CTNNA3: variants seen among roughly 807,000 people sequenced by gnomAD.
The protein encoded by CTNNA3 is catenin alpha-3.
A neutral mutation model predicts 95.7 loss-of-function variants in CTNNA3; 76 were observed. That is an observed-to-expected ratio of 0.79 (90% CI 0.66 to 0.96). The LOEUF (loss-of-function observed/expected upper bound fraction) is 0.96. Among genes scored for constraint, CTNNA3 ranks in the 40% least tolerant of loss-of-function variants. The probability of loss-of-function intolerance (pLI) is 0.00; values close to 1 mark genes in which losing one functional copy is unlikely to be tolerated. For missense variants in CTNNA3, 1,191 were observed against 1,089.8 expected, an observed-to-expected ratio of 1.09 and a Z score of -1.31; for synonymous variants, 431 against 374.4, an observed-to-expected ratio of 1.15 and a Z score of -1.74.
At chr10:67,519,468 C>G (rs1839917967) in intron 5 of CTNNA3, among the ~76,000 whole-genome samples, 1 of 152,156 alleles carries the variant, frequency 6.6e-6, no homozygotes, top group African/African-American at 2.4e-5. Context: ...ATCCAGGAAA[C>G]CAAAGGCTTA....
rs547501850 is a variant in CTNNA3 at position 66,095,650 on chromosome 10, C to A, written c.1977+7507G>T. 2.0e-5 allele frequency among the ~76,000 whole-genome samples: 3 copies of A among 152,074 alleles called. No individual in the cohort carries two copies. The East Asian group carries it at 5.8e-4, about 30-fold the overall frequency. On this transcript the variant is annotated intron_variant, in intron 14 of 17. Coordinates refer to ENST00000433211, the MANE Select transcript of CTNNA3 (RefSeq NM_013266.4). Reference sequence around the variant, plus strand: ...GGATATTCAGGTAACTGCATGTAAACAAGCAAAAGTGAGGCAGTTTTTCCT... The same window carrying A: ...GGATATTCAGGTAACTGCATGTAAAAAAGCAAAAGTGAGGCAGTTTTTCCT...
chr10:67,132,221 T>C (rs879312834), intron 7 of CTNNA3, among the ~76,000 whole-genome samples: 5 of 152,054 alleles, frequency 3.3e-5, no homozygotes, highest in Non-Finnish European at 7.4e-5. Context: ...TTGCAAAGCA[T>C]TAAGTGAGAT....
rs2080738515 is a variant in CTNNA3, at chr10:66,080,992, A to G, written c.1978-11503T>C. Among the ~76,000 whole-genome samples the G allele has an allele frequency of 2.6e-5, 4 of 152,200 alleles. No individual in the cohort carries two copies. The South Asian group carries it at 8.3e-4, about 32-fold the overall frequency. ...AGATGTACATCACAAAGGGACAGAGAAAGAATTTACAATGGGAAGTTCTCT... is the reference window on the plus strand; with the variant it reads ...AGATGTACATCACAAAGGGACAGAGGAAGAATTTACAATGGGAAGTTCTCT... On this transcript the variant is annotated intron_variant, in intron 14 of 17. Coordinates refer to ENST00000433211, the MANE Select transcript of CTNNA3 (RefSeq NM_013266.4).
intron 13 of CTNNA3, among the ~76,000 whole-genome samples, chr10:66,193,865 C>T (rs16922588): frequency 0.14 from 21,907 of 152,050 alleles, 2,646 homozygotes; most frequent in African/African-American, 0.33. Flanking sequence ...ATAAGAATTA[C>T]GGGCACAGAA....
intron 5 of CTNNA3, among the ~76,000 whole-genome samples, chr10:67,516,108 G>T (rs1839802351): frequency 6.6e-6 from 1 of 152,076 alleles, no homozygotes; most frequent in Non-Finnish European, 1.5e-5. Context: ...GATTACAGTT[G>T]CCTGCCACCA....
chr10:67,215,693 A>G (rs1345146652), intron 6 of CTNNA3, among the ~76,000 whole-genome samples: 1 of 152,176 alleles, frequency 6.6e-6, no homozygotes, highest in East Asian at 1.9e-4. Context: ...AAGTTCTCCC[A>G]ACATCTCCTG....
chr10:67,705,847 C>A (rs1424473435), intron 1 of CTNNA3, among the ~76,000 whole-genome samples: 1 of 151,644 alleles, frequency 6.6e-6, no homozygotes, highest in African/African-American at 2.4e-5. Context: ...CCTCTCCTAG[C>A]GTAACCGACA....
chr10:67,117,238 G>T (rs1859230805), intron 7 of CTNNA3, among the ~76,000 whole-genome samples: 1 of 151,626 alleles, frequency 6.6e-6, no homozygotes, highest in Admixed American at 6.6e-5. Context: ...GTGATCTTCA[G>T]AGTCCCTTCT....
At chr10:66,923,409 G>C (rs1034006751) in intron 7 of CTNNA3, among the ~76,000 whole-genome samples, 2 of 152,160 alleles carry the variant, frequency 1.3e-5, no homozygotes, top group Non-Finnish European at 2.9e-5. Flanking sequence ...GGGCAAAACA[G>C]ATGTCTCAAT....
In CTNNA3 at chr10:67,584,455, G is replaced by C. The variant is rs551137660; in HGVS notation, c.292+22402C>G. On this transcript the variant is annotated intron_variant, in intron 3 of 17. Transcript: ENST00000433211. ...CTTCATCTCAGAGGGTCACCCAGCT[G>C]TATGAGGTTTCAGTCAGACCCTCCT... Among the ~76,000 whole-genome samples, 13 of 152,290 alleles carry C rather than the reference G, an allele frequency of 8.5e-5. No individual in the cohort carries two copies. In the East Asian group the frequency reaches 2.5e-3, roughly 29 times the overall value.
At chr10:66,574,224 G>A (rs1842943713) in intron 10 of CTNNA3, among the ~76,000 whole-genome samples, 1 of 151,970 alleles carries the variant, frequency 6.6e-6, no homozygotes, top group South Asian at 2.1e-4. Context: ...GGGTGCAGTG[G>A]AGGCAGGGAA....
intron 9 of CTNNA3, among the ~76,000 whole-genome samples, chr10:66,698,124 G>A (rs1847829834): frequency 6.6e-6 from 1 of 152,128 alleles, no homozygotes; most frequent in Admixed American, 6.6e-5. Flanking sequence ...TTTGCTTCAA[G>A]AACCAGAACT....
intron 5 of CTNNA3, among the ~76,000 whole-genome samples, chr10:67,386,183 A>G (rs2132748341): frequency 6.6e-6 from 1 of 152,358 alleles, no homozygotes; most frequent in African/African-American, 2.4e-5. Context: ...TTACATTGCC[A>G]TGCACCATAG....
intron 7 of CTNNA3, among the ~76,000 whole-genome samples, chr10:67,148,663 A>G (rs12258419): frequency 0.018 from 2,765 of 152,320 alleles, 62 homozygotes; most frequent in African/African-American, 0.063. Flanking sequence ...TATCACATCA[A>G]AATTTCCTCA....
intron 9 of CTNNA3, among the ~76,000 whole-genome samples, chr10:66,641,465 A>C (rs2132380084): frequency 6.6e-6 from 1 of 152,300 alleles, no homozygotes; most frequent in Admixed American, 6.5e-5. Flanking sequence ...AAACTATAAG[A>C]GATAATAAAT....
At chr10:66,209,999 G>A (rs75229401) in intron 13 of CTNNA3, among the ~76,000 whole-genome samples, 1 of 152,180 alleles carries the variant, frequency 6.6e-6, no homozygotes, top group Non-Finnish European at 1.5e-5. Flanking sequence ...CTGACTTGGT[G>A]CTCCCTTCTG....
At chr10:67,495,925 C>T (rs1350433000) in intron 5 of CTNNA3, among the ~76,000 whole-genome samples, 1 of 152,176 alleles carries the variant, frequency 6.6e-6, no homozygotes, top group African/African-American at 2.4e-5. Context: ...ATCTGTATTA[C>T]TAAATAATGT....
In CTNNA3 at chr10:66,685,323, G is replaced by GTATATATATA. The variant is rs1564617422; in HGVS notation, c.1282-63540_1282-63539insTATATATATA. 4.3e-4 allele frequency among the ~76,000 whole-genome samples: 15 copies of GTATATATATA among 34,866 alleles called. 1 individual carries two copies. Among genetic ancestry groups the GTATATATATA allele is most frequent in the Middle Eastern group, 0.029 (1 of 34 alleles). The allele number at this position is 34,866 out of a possible 152,430, so 22.9% of individuals were successfully genotyped here. The stretch of plus-strand genomic sequence containing the variant: ...TGTATATATATGTGTGTGTGTATGT[G>GTATATATATA]TGTATATATATATATATATATATAT... On this transcript the variant is annotated intron_variant, in intron 9 of 17. Coordinates refer to ENST00000433211, the MANE Select transcript of CTNNA3 (RefSeq NM_013266.4).
chr10:66,773,494 A>G (rs1177601119), intron 8 of CTNNA3, among the ~76,000 whole-genome samples: 1 of 152,186 alleles, frequency 6.6e-6, no homozygotes, highest in Non-Finnish European at 1.5e-5. Flanking sequence ...GTATCGAGAG[A>G]GGGAACAGGA....
Sources: gnomAD v4.1 joint callset for allele counts (sites outside exome capture counted in the v4.1 genomes callset) on GRCh38, gnomAD v4.1.1 for gene constraint, MANE v1.5 for transcripts, NCBI Gene and HGNC (gene_info 2026-07-23, HGNC 2026-07-21) for gene names.